Variants in PFDN5 observed in about 807,000 individuals in gnomAD.
PFDN5 encodes the protein prefoldin subunit 5.
In PFDN5, 13 loss-of-function variants were observed where a neutral mutation model predicts 21.5. The observed-to-expected ratio is 0.60, with a 90% CI of 0.39 to 0.96. PFDN5 has a LOEUF of 0.96. Ranked by LOEUF, PFDN5 falls within the 40% of genes least tolerant of loss-of-function variation. The pLI is 0.00. For missense variants in PFDN5, 188 were observed against 186.2 expected, an observed-to-expected ratio of 1.01 and a Z score of -0.06; for synonymous variants, 84 against 68.9, an observed-to-expected ratio of 1.22 and a Z score of -1.08.
At chr12:53,296,028 C>A in intron 2 of PFDN5, 87 bp downstream of exon 2, 2 of 864,366 alleles carry the variant, frequency 2.3e-6, no homozygotes, top group Non-Finnish European at 3.9e-6. Context: ...TTACCTGAAA[C>A]GAGAAAATCC....
intron 2 of PFDN5, 105 bp from the exon 3 acceptor site, chr12:53,296,139 C>T (rs1269594405): frequency 3.9e-6 from 4 of 1,024,226 alleles, no homozygotes; most frequent in Non-Finnish European, 3.0e-6. Flanking sequence ...TGTTTCCGTT[C>T]TTTTCACACT....
intron 3 of PFDN5, chr12:53,297,645 A>T: frequency 3.6e-6 from 2 of 561,602 alleles, no homozygotes; most frequent in South Asian, 4.0e-5. Context: ...GTTCCAGCAT[A>T]CATCATTTTC....
At chr12:53,297,627 A>C in intron 3 of PFDN5, 1 of 529,458 alleles carries the variant, frequency 1.9e-6, no homozygotes, top group Non-Finnish European at 3.4e-6. Context: ...GAGGCAGGAC[A>C]AGAGGGTGTT....
At chr12:53,296,150 G>A in intron 2 of PFDN5, 94 bp from the exon 3 acceptor site, 5 of 1,088,482 alleles carry the variant, frequency 4.6e-6, no homozygotes, top group Non-Finnish European at 7.0e-6. Flanking sequence ...TTTTCACACT[G>A]TCTGTGGGTG....
chr12:53,298,570 C>CT (rs1944184691), intron 5 of PFDN5: 1 of 105,508 alleles, frequency 9.5e-6, no homozygotes, highest in Non-Finnish European at 2.0e-5. Context: ...GTACCAAGGT[C>CT]TGTTTTTTTT....
At chr12:53,296,093 G>GAA in intron 2 of PFDN5, 151 bp from the exon 3 acceptor site, 2 of 794,398 alleles carry the variant, frequency 2.5e-6, no homozygotes, top group Non-Finnish European at 4.4e-6. Context: ...GCCTAGAATT[G>GAA]AAAAGTACAG....
At position 53,298,077 on chromosome 12, in the gene PFDN5, G is replaced by T. The variant is rs763275882; in HGVS notation, c.315G>T (p.Arg105Ser). The T allele has an allele frequency of 7.4e-6, 12 of 1,613,548 alleles. No homozygotes were observed. The highest frequency in any genetic ancestry group is 8.5e-7 in the Non-Finnish European group (1 of 1,179,592). ...AGGATGCCAAGGACTTCTTCAAGAGGAAGATAGATTTTCTAACCAAGCAGA... is the reference window on the plus strand; with the variant it reads ...AGGATGCCAAGGACTTCTTCAAGAGTAAGATAGATTTTCTAACCAAGCAGA... ...TAEDAKDFFK[R>S]KIDFLTKQME... The change falls in exon 5 of 6, where the codon AGG becomes AGT. Residue 105 changes from arginine to serine, a missense_variant. Coordinates refer to ENST00000334478, the MANE Select transcript of PFDN5 (RefSeq NM_002624.4).
chr12:53,296,440 G>T (rs894305480), intron 3 of PFDN5, 165 bp downstream of exon 3: 2 of 702,146 alleles, frequency 2.8e-6, no homozygotes, highest in Non-Finnish European at 2.5e-6. Context: ...ACGGAATTTC[G>T]CTCTGTCGCC....
intron 3 of PFDN5, chr12:53,296,603 T>C (rs1223510514): frequency 2.5e-6 from 1 of 399,382 alleles, no homozygotes; most frequent in Non-Finnish European, 4.6e-6. Context: ...GAGTTGGGGG[T>C]TTCACCATAT....
At chr12:53,299,229 C>T (rs1439756429) in intron 5 of PFDN5, 40 bp from the exon 6 acceptor site, 1 of 1,442,302 alleles carries the variant, frequency 6.9e-7, no homozygotes, top group South Asian at 1.1e-5. Context: ...CTAGGTTCTC[C>T]TTTTTGCTTC....
In PFDN5 at chr12:53,295,887, A is replaced by G. The variant is rs1218341572; in HGVS notation, c.121A>G (p.Thr41Ala). Residue 41 changes from threonine to alanine, a missense_variant, in exon 2 of 6, where the codon ACC becomes GCC. Coordinates refer to ENST00000334478, the MANE Select transcript of PFDN5 (RefSeq NM_002624.4). The stretch of plus-strand genomic sequence containing the variant: ...CATTGCTCAGCTCAAAGTGGTACAG[A>G]CCAAGTATGTGGAAGCCAAGGACTG... ...TSIAQLKVVQ[T>A]KYVEAKDCLN... 6.2e-7 allele frequency: 1 copy of G among 1,612,582 alleles called. No homozygotes were observed. Among genetic ancestry groups the G allele is most frequent in the Non-Finnish European group, 8.5e-7 (1 of 1,178,590 alleles).
intron 5 of PFDN5, 189 bp downstream of exon 5, chr12:53,298,339 G>A (rs539299446): frequency 3.6e-5 from 19 of 534,184 alleles, no homozygotes; most frequent in Non-Finnish European, 6.1e-5. Context: ...GAGAAATTTA[G>A]AGGAAGGAAA....
Position 53,299,314 on chromosome 12 carries a change from TG to T in PFDN5, c.439del (p.Ala147GlnfsTer27). 1 of 1,612,518 alleles carries T rather than the reference TG, an allele frequency of 6.2e-7. No individual in the cohort carries two copies. On this transcript the variant is annotated frameshift_variant, in exon 6 of 6. Transcript: ENST00000334478. LOFTEE classifies it high-confidence loss of function. ...CAGAAGATTCAGCAGCTCACAGCCC[TG>T]GGGGCAGCTCAGGCTACTGCTAAGG... The part of the protein sequence containing the change: ...MSQKIQQLTA[L>X]GAAQATAKA
chr12:53,296,987 G>C (rs1944159188), intron 3 of PFDN5: 1 of 154,062 alleles, frequency 6.5e-6, no homozygotes, highest in South Asian at 1.9e-4. Context: ...TTTCTAAACT[G>C]TCACTAAGAA....
Position 53,299,358 on chromosome 12 carries a change from A to G in PFDN5, c.*13A>G. 1 of 1,584,314 alleles carries G rather than the reference A, an allele frequency of 6.3e-7. No individual in the cohort carries two copies. On this transcript the variant is annotated 3_prime_UTR_variant, in exon 6 of 6. Transcript: ENST00000334478. ...TGCTAAGGCCTGAGAGTTTTTGCAGAAATGGGGCAGAGGGACACCCTTTGG... is the reference window on the plus strand; with the variant it reads ...TGCTAAGGCCTGAGAGTTTTTGCAGGAATGGGGCAGAGGGACACCCTTTGG...
chr12:53,296,044 A>G (rs1326983179), intron 2 of PFDN5, 103 bp downstream of exon 2: 1 of 801,062 alleles, frequency 1.2e-6, no homozygotes, highest in Non-Finnish European at 2.1e-6. Flanking sequence ...AATCCATTAC[A>G]TATCGTATAC....
rs543486545 is a variant in PFDN5, at chr12:53,296,322, C to T, written c.207+47C>T. ...CTACCTGCTGCCTTCTCCCTTTCTC[C>T]TTCACTCCCCCAAAAAGCGGGGAGG... On this transcript the variant is annotated intron_variant, in intron 3 of 5. Coordinates refer to ENST00000334478, the MANE Select transcript of PFDN5 (RefSeq NM_002624.4). The T allele has an allele frequency of 1.3e-5, 19 of 1,481,032 alleles. No homozygotes were observed. The East Asian group carries it at 2.1e-4, about 16-fold the overall frequency. 91.7% of individuals were successfully genotyped at this position (1,481,032 alleles called of 1,614,324 possible). A position where few individuals can be genotyped will look rare whatever the true frequency, so the allele number is the denominator to read the frequency against.
chr12:53,297,731 A>G, intron 3 of PFDN5, 119 bp from the exon 4 acceptor site: 1 of 734,948 alleles, frequency 1.4e-6, no homozygotes, highest in Non-Finnish European at 2.5e-6. Context: ...CAGATTATTC[A>G]GTCCTTATGC....
In PFDN5 at chr12:53,299,411, C is replaced by A; in HGVS notation, c.*66C>A. 1.9e-6 allele frequency: 2 copies of A among 1,043,500 alleles called. No homozygotes were observed. Among genetic ancestry groups the A allele is most frequent in the Non-Finnish European group, 2.9e-6 (2 of 681,488 alleles). The allele number at this position is 1,043,500 out of a possible 1,614,324, so 64.6% of individuals were successfully genotyped here. On this transcript the variant is annotated 3_prime_UTR_variant, in exon 6 of 6. Transcript: ENST00000334478. Reference sequence around the variant, plus strand: ...GTGGCTTCCTGGTGATGGGAAGGGTCTTGTGTTTTAATGCCAATAAATGTG... The same window carrying A: ...GTGGCTTCCTGGTGATGGGAAGGGTATTGTGTTTTAATGCCAATAAATGTG...
Sources: gnomAD v4.1 joint callset for allele counts on GRCh38, gnomAD v4.1.1 for gene constraint, MANE v1.5 for transcripts, NCBI Gene and HGNC (gene_info 2026-07-23, HGNC 2026-07-21) for gene names.